The following TNRC18 variants were observed in gnomAD, a reference collection of about 807,000 sequenced individuals.
The protein encoded by TNRC18 is trinucleotide repeat containing 18, also known as trinucleotide repeat-containing gene 18 protein.
A neutral mutation model predicts 226.7 loss-of-function variants in TNRC18; 69 were observed. The ratio of observed to expected loss-of-function variants is 0.30; its 90% CI spans 0.25 to 0.37. The LOEUF is 0.37. TNRC18 is among the 10% of genes least tolerant of loss of function. The pLI, the probability that TNRC18 is intolerant of heterozygous loss-of-function variation, is 1.00. For missense variants in TNRC18, 4,754 were observed against 4,256.6 expected (o/e 1.12, Z -3.25); for synonymous variants, 2,449 against 1,927.6 (o/e 1.27, Z -7.09).
intron 17 of TNRC18, among the ~76,000 whole-genome samples, chr7:5,349,691 C>T (rs1583866809): frequency 6.6e-6 from 1 of 152,176 alleles, no homozygotes; most frequent in Non-Finnish European, 1.5e-5. Context: ...CAGAGTGCAG[C>T]GTGAGAGCAA....
chr7:5,352,729 C>T (rs1248108563), intron 16 of TNRC18, among the ~76,000 whole-genome samples: 5 of 152,374 alleles, frequency 3.3e-5, no homozygotes, highest in African/African-American at 9.6e-5. Context: ...CAACGGAGGA[C>T]AAGAGTCTTC....
In TNRC18 at chr7:5,321,082, G is replaced by T; in HGVS notation, c.6551C>A (p.Ser2184Ter). 6.5e-7 allele frequency: 1 copy of T among 1,545,812 alleles called. No homozygotes were observed. The highest frequency in any genetic ancestry group is 1.2e-5 in the South Asian group (1 of 83,868). Residue 2184 changes from serine (S) to a stop codon, truncating the protein, a stop_gained, in exon 22 of 30, where the codon TCG becomes TAG. Coordinates refer to ENST00000430969, the MANE Select transcript of TNRC18 (RefSeq NM_001080495.3). LOFTEE classifies it high-confidence loss of function. ...LYAGHVQTVH[S>*]PDIYRVVVEG... ...CTCCCACCCCACTCACATGTCTGGC[G>T]AGTGCACGGTCTGCACGTGCCCGGC...
intron 19 of TNRC18, among the ~76,000 whole-genome samples, chr7:5,326,765 C>T (rs1376568707): frequency 6.6e-6 from 1 of 151,540 alleles, no homozygotes; most frequent in African/African-American, 2.4e-5. Flanking sequence ...CGAGATCGCG[C>T]CACCACACTC....
Position 5,421,144 on chromosome 7 carries a change from C to G in TNRC18, c.103G>C (p.Ala35Pro). ...AAGCCCGAGGCGGGCAAGCGTCCGG[C>G]AGTGGCCGCGCCCACGCGGTGGCTG... The part of the protein sequence containing the change: ...MDSHRVGAAT[A>P]GRLPASGLPG... Residue 35 changes from alanine to proline, a missense_variant, in exon 2 of 30, where the codon GCC (alanine) becomes CCC (proline). Physicochemically the swap from Ala to Pro is conservative, Grantham distance 27. Transcript: ENST00000430969. 7.0e-7 allele frequency: 1 copy of G among 1,435,482 alleles called. No individual in the cohort carries two copies. The highest frequency in any genetic ancestry group is 9.2e-7 in the Non-Finnish European group (1 of 1,090,358). 88.9% of individuals were successfully genotyped at this position (1,435,482 alleles called of 1,614,324 possible).
intron 18 of TNRC18, among the ~76,000 whole-genome samples, chr7:5,342,975 T>C (rs1396968438): frequency 6.6e-6 from 1 of 152,236 alleles, no homozygotes; most frequent in African/African-American, 2.4e-5. Context: ...CAGCAAAAAG[T>C]TTACAACTCA....
Position 5,324,969 on chromosome 7 carries a change from C to A in TNRC18, c.6300+127G>T. The A allele has an allele frequency of 8.5e-7, 1 of 1,181,202 alleles. No individual in the cohort carries two copies. The highest frequency in any genetic ancestry group is 1.6e-5 in the South Asian group (1 of 61,902). 73.2% of individuals were successfully genotyped at this position (1,181,202 alleles called of 1,614,324 possible). A position where few individuals can be genotyped will look rare whatever the true frequency, so the allele number is the denominator to read the frequency against. On this transcript the variant is annotated intron_variant, in intron 20 of 29. Coordinates refer to ENST00000430969, the MANE Select transcript of TNRC18 (RefSeq NM_001080495.3). The surrounding 1 kb of genome is among the most constrained non-coding windows in gnomAD (Gnocchi z 4.8). ...GGGACGGCCACATCACCCTCGTCACCCGCAACCTCTCTGAGCCACAGCTAT... is the reference window on the plus strand; with the variant it reads ...GGGACGGCCACATCACCCTCGTCACACGCAACCTCTCTGAGCCACAGCTAT...
intron 1 of TNRC18, among the ~76,000 whole-genome samples, chr7:5,422,343 C>A (rs1782635746): frequency 7.1e-6 from 1 of 141,630 alleles, no homozygotes; most frequent in Non-Finnish European, 1.5e-5. Context: ...CCCCCACAAC[C>A]ACCCCCCAAA....
At chr7:5,317,166 A>G (rs530652606) in intron 24 of TNRC18, among the ~76,000 whole-genome samples, 1 of 152,138 alleles carries the variant, frequency 6.6e-6, no homozygotes, top group South Asian at 2.1e-4. Context: ...GAGTGCACAG[A>G]GCTCCCATCG....
chr7:5,401,229 G>A (rs995279284), intron 2 of TNRC18, among the ~76,000 whole-genome samples: 2 of 114,100 alleles, frequency 1.8e-5, no homozygotes, highest in African/African-American at 1.1e-4. Flanking sequence ...GTTCGAGTCG[G>A]GGGGGGGCGG....
intron 17 of TNRC18, among the ~76,000 whole-genome samples, chr7:5,350,382 G>C (rs6943596): frequency 0.04 from 6,058 of 151,248 alleles, 234 homozygotes; most frequent in African/African-American, 0.091. Flanking sequence ...GGGAGGTCTG[G>C]GAGGGGAGGC....
At chr7:5,420,336 G>T (rs926178219) in intron 2 of TNRC18, 1 of 455,614 alleles carries the variant, frequency 2.2e-6, no homozygotes, top group Non-Finnish European at 4.4e-6. Context: ...TTCCCCCTAG[G>T]TTCGGGACCG....
intron 8 of TNRC18, 99 bp from the exon 9 acceptor site, chr7:5,376,323 A>C: frequency 1.8e-6 from 2 of 1,089,854 alleles, no homozygotes; most frequent in Non-Finnish European, 2.5e-6. Context: ...CCACACCCAC[A>C]CAGTGGGGAG....
At position 5,306,871 on chromosome 7, in the gene TNRC18, G is replaced by GAAAC. The variant is rs1786561356; in HGVS notation, c.*1231_*1234dup. On this transcript the variant is annotated 3_prime_UTR_variant, in exon 30 of 30. Transcript: ENST00000430969. ...TTTGCCAACAAACAAAATTCCAAAA[G>GAAAC]AAACATAAAAAAAAAAACCAATAAT... 2 of 98,718 alleles carry GAAAC rather than the reference G, an allele frequency of 2.0e-5. No individual in the cohort carries two copies. The highest frequency in any genetic ancestry group is 6.7e-4 in the South Asian group (2 of 2,964). The allele number at this position is 98,718 out of a possible 1,614,324, so 6.1% of individuals were successfully genotyped here. A position where few individuals can be genotyped will look rare whatever the true frequency, so the allele number is the denominator to read the frequency against.
intron 19 of TNRC18, among the ~76,000 whole-genome samples, chr7:5,329,351 G>A (rs1341757649): frequency 1.3e-5 from 2 of 151,512 alleles, no homozygotes; most frequent in Non-Finnish European, 2.9e-5. Flanking sequence ...ATCCCATGTG[G>A]CAGTACACAT....
rs757149138 is a variant in TNRC18 at position 5,390,580 on chromosome 7, T to C, written c.392A>G (p.Asn131Ser). 6.2e-7 allele frequency: 1 copy of C among 1,612,488 alleles called. No homozygotes were observed. Among genetic ancestry groups the C allele is most frequent in the Admixed American group, 1.7e-5 (1 of 59,826 alleles). ...SGLYPSYLHLNHLEPPSSGSP... is the reference protein window; with the variant it reads ...SGLYPSYLHLSHLEPPSSGSP... ...CCCACTGCTGGGGGGCTCCAGGTGG[T>C]TCAGGTGGAGGTAGGATGGGTACAG... is the stretch of plus-strand genomic sequence containing the variant. The change falls in exon 4 of 30, where the codon AAC becomes AGC. Residue 131 changes from asparagine to serine, a missense_variant. Asn to Ser is a conservative substitution (Grantham distance 46). Coordinates refer to ENST00000430969, the MANE Select transcript of TNRC18 (RefSeq NM_001080495.3).
chr7:5,354,552 C>T (rs1374904541), intron 16 of TNRC18, among the ~76,000 whole-genome samples: 2 of 152,112 alleles, frequency 1.3e-5, no homozygotes, highest in Non-Finnish European at 1.5e-5. Context: ...ACTGTCTCTT[C>T]CTGCTTGTGC....
chr7:5,376,311 G>A (rs968810811), intron 8 of TNRC18, 87 bp from the exon 9 acceptor site: 2 of 1,186,648 alleles, frequency 1.7e-6, no homozygotes, highest in African/African-American at 1.6e-5. Context: ...GCCAGAGAGG[G>A]GCCACACCCA....
intron 15 of TNRC18, among the ~76,000 whole-genome samples, 152 bp from the exon 16 acceptor site, chr7:5,357,428 T>A (rs553446094): frequency 1.8e-4 from 28 of 152,204 alleles, no homozygotes; most frequent in African/African-American, 6.0e-4. Flanking sequence ...ATTTTTTTTT[T>A]AGAGACGGAG....
Position 5,313,712 on chromosome 7 carries a change from C to T in TNRC18, c.7179G>A (p.Pro2393=), listed in dbSNP as rs776077124. 16 of 1,587,820 alleles carry T rather than the reference C, an allele frequency of 1.0e-5. No individual in the cohort carries two copies. Among genetic ancestry groups the T allele is most frequent in the Non-Finnish European group, 1.4e-5 (16 of 1,167,436 alleles). ...RAKAPKARPA[P]PQPSPAPPAF... is the part of the protein sequence containing the mutation. ...CGGGTGGTGCGGGACTGGGCTGCGG[C>T]GGTGCCGGGCGCGCCTTGGGGGCCT... The change falls in exon 27 of 30, where the codon CCG becomes CCA. Residue 2393 remains proline, a synonymous_variant. Transcript: ENST00000430969.
Sources: gnomAD v4.1 joint callset for allele counts (sites outside exome capture counted in the v4.1 genomes callset) on GRCh38, gnomAD v4.1.1 for gene constraint, Gnocchi (gnomAD v3.1) non-coding constraint, MANE v1.5 for transcripts, NCBI Gene and HGNC (gene_info 2026-07-23, HGNC 2026-07-21) for gene names.